Variants in ZNF268 observed in about 807,000 individuals in gnomAD.
The protein encoded by ZNF268 is zinc finger protein 268.
ZNF268 carries 20 observed loss-of-function variants against 29.3 expected under a neutral mutation model. The ratio of observed to expected loss-of-function variants is 0.68; its 90% CI spans 0.48 to 0.99. The LOEUF (loss-of-function observed/expected upper bound fraction) is 0.99, where lower values mean the gene tolerates loss of function less well. Ranked by LOEUF, ZNF268 falls within the 50% of genes least tolerant of loss-of-function variation. The pLI is 0.00. For synonymous variants in ZNF268, 429 were observed against 376.9 expected, an observed-to-expected ratio of 1.14 and a Z score of -1.60; for missense variants, 1,240 against 1,121.6, an observed-to-expected ratio of 1.11 and a Z score of -1.51.
rs2135534038 is a variant in ZNF268, at chr12:133,208,722, G to GT, written c.*4193dup. ...GAAATGAGTAACATCTAGCCAAGGT[G>GT]TGAAAACAAGGAATGTGAGGAATTA... On this transcript the variant is annotated 3_prime_UTR_variant, in exon 6 of 6. Transcript: ENST00000536435. The GT allele has an allele frequency of 6.6e-6, 1 of 152,292 alleles. No homozygotes were observed. Among genetic ancestry groups the GT allele is most frequent in the East Asian group, 1.9e-4 (1 of 5,180 alleles). The allele number at this position is 152,292 out of a possible 1,614,324, so 9.4% of individuals were successfully genotyped here.
At chr12:133,186,025 A>G (rs1415902568) in intron 2 of ZNF268, among the ~76,000 whole-genome samples, 2 of 152,156 alleles carry the variant, frequency 1.3e-5, no homozygotes, top group Non-Finnish European at 2.9e-5. Flanking sequence ...TCTGTGCTAA[A>G]TCATTTATTA....
intron 5 of ZNF268, 104 bp downstream of exon 5, chr12:133,192,107 CTT>C (rs200581552): frequency 0.23 from 118,378 of 523,440 alleles, 4,251 homozygotes; most frequent in Non-Finnish European, 0.25. Flanking sequence ...TTACCATGCA[CTT>C]TTTTTTTTTT....
rs1956838104 is a variant in ZNF268 at position 133,204,159 on chromosome 12, G to T, written c.2473G>T (p.Val825Leu). ...KAFIWKSLLI[V>L]HERTHAGVNP... ...CTTCATTTGGAAATCACTACTCATT[G>T]TACATGAGCGAACTCATGCAGGGGT... Residue 825 changes from valine to leucine, a missense_variant, in exon 6 of 6, where the codon GTA becomes TTA. By Grantham distance (32) the Val-to-Leu change is conservative (BLOSUM62 1). Transcript: ENST00000536435. 1 of 1,541,304 alleles carries T rather than the reference G, an allele frequency of 6.5e-7. No individual in the cohort carries two copies. Among genetic ancestry groups the T allele is most frequent in the East Asian group, 2.4e-5 (1 of 40,842 alleles).
rs1956989464 is a variant in ZNF268 at position 133,211,979 on chromosome 12, C to A, written c.*7449C>A. On this transcript the variant is annotated 3_prime_UTR_variant, in exon 6 of 6. Transcript: ENST00000536435. ...CAAATACTTTAAGGAATCAGGATAA[C>A]CTTCAATAGGTGAATGACTAACTAG... is the stretch of plus-strand genomic sequence containing the variant. The A allele has an allele frequency of 6.6e-6, 1 of 152,192 alleles. No individual in the cohort carries two copies. The highest frequency in any genetic ancestry group is 6.5e-5 in the Admixed American group (1 of 15,286). 9.4% of individuals were successfully genotyped at this position (152,192 alleles called of 1,614,324 possible).
rs1329175211 is a variant in ZNF268 at position 133,212,506 on chromosome 12, TAC to T, written c.*7986_*7987del. ...ATATATATATATATATATGTATATA[TAC>T]ACACACACATACACACATATATACA... On this transcript the variant is annotated 3_prime_UTR_variant, in exon 6 of 6. Transcript: ENST00000536435. 4 of 41,946 alleles carry T rather than the reference TAC, an allele frequency of 9.5e-5. No individual in the cohort carries two copies. The highest frequency in any genetic ancestry group is 3.2e-4 in the Admixed American group (1 of 3,166). 2.6% of individuals were successfully genotyped at this position (41,946 alleles called of 1,614,324 possible).
chr12:133,191,266 A>G (rs1227734799), intron 3 of ZNF268, among the ~76,000 whole-genome samples: 7 of 151,874 alleles, frequency 4.6e-5, no homozygotes, highest in African/African-American at 1.7e-4. Context: ...GCAGTGAGCC[A>G]AGATCACACC....
At chr12:133,198,573 A>G (rs559601995) in intron 5 of ZNF268, among the ~76,000 whole-genome samples, 1 of 152,258 alleles carries the variant, frequency 6.6e-6, no homozygotes, top group Non-Finnish European at 1.5e-5. Context: ...TCTATGAAGA[A>G]AGTCATTGGT....
At position 133,209,832 on chromosome 12, in the gene ZNF268, G is replaced by A. The variant is rs548433400; in HGVS notation, c.*5302G>A. On this transcript the variant is annotated 3_prime_UTR_variant, in exon 6 of 6. Coordinates refer to ENST00000536435, the MANE Select transcript of ZNF268 (RefSeq NM_003415.3). ...CTTCAAAAAAAATTAATAAAAGCAAGCACATAGGGTGCACATTTGCCCTTC... is the reference window on the plus strand; with the variant it reads ...CTTCAAAAAAAATTAATAAAAGCAAACACATAGGGTGCACATTTGCCCTTC... 1 of 152,300 alleles carries A rather than the reference G, an allele frequency of 6.6e-6. No individual in the cohort carries two copies. Among genetic ancestry groups the A allele is most frequent in the East Asian group, 1.9e-4 (1 of 5,180 alleles). 9.4% of individuals were successfully genotyped at this position (152,300 alleles called of 1,614,324 possible).
rs564270728 is a variant in ZNF268 at position 133,205,339 on chromosome 12, G to C, written c.*809G>C. The stretch of plus-strand genomic sequence containing the variant: ...TTATTTCATTGTACAAGTGAATCTA[G>C]TAAGGAGGTTAAGAATAAGAAATAA... On this transcript the variant is annotated 3_prime_UTR_variant, in exon 6 of 6. Coordinates refer to ENST00000536435, the MANE Select transcript of ZNF268 (RefSeq NM_003415.3). 1 of 151,928 alleles carries C rather than the reference G, an allele frequency of 6.6e-6. No individual in the cohort carries two copies. Among genetic ancestry groups the C allele is most frequent in the Non-Finnish European group, 1.5e-5 (1 of 67,984 alleles). The allele number at this position is 151,928 out of a possible 1,614,324, so 9.4% of individuals were successfully genotyped here.
rs369092199 is a variant in ZNF268, at chr12:133,202,493, G to C, written c.807G>C (p.Met269Ile). 1 of 1,612,248 alleles carries C rather than the reference G, an allele frequency of 6.2e-7. No homozygotes were observed. Residue 269 changes from methionine to isoleucine, a missense_variant, in exon 6 of 6, where the codon ATG becomes ATC. By Grantham distance (10) the Met-to-Ile change is conservative (BLOSUM62 1). Around this residue, in one of 3 missense-constraint regions of ZNF268, gnomAD observed 1,177 missense variants for 1,039.6 expected, o/e 1.13. Coordinates refer to ENST00000536435, the MANE Select transcript of ZNF268 (RefSeq NM_003415.3). ...NKKSQLMCQQMYMGEKPFGCS... is the reference protein window; with the variant it reads ...NKKSQLMCQQIYMGEKPFGCS... Reference sequence around the variant, plus strand: ...AATCGCAACTTATGTGCCAACAAATGTATATGGGCGAAAAACCCTTTGGAT... The same window carrying C: ...AATCGCAACTTATGTGCCAACAAATCTATATGGGCGAAAAACCCTTTGGAT...
At chr12:133,194,536 TCAGA>T (rs1956551377) in intron 5 of ZNF268, among the ~76,000 whole-genome samples, 1 of 152,128 alleles carries the variant, frequency 6.6e-6, no homozygotes, top group South Asian at 2.1e-4. Flanking sequence ...CACGAGTCTG[TCAGA>T]CAGGAAAACT....
Position 133,204,256 on chromosome 12 carries a change from T to G in ZNF268, c.2570T>G (p.Met857Arg). The G allele has an allele frequency of 6.5e-7, 1 of 1,547,086 alleles. No individual in the cohort carries two copies. Among genetic ancestry groups the G allele is most frequent in the Non-Finnish European group, 8.7e-7 (1 of 1,150,224 alleles). Reference sequence around the variant, plus strand: ...TTACGCCTTCTTGTACACCAGAGAATGCACACAAGAGAGAAACCATATGAA... The same window carrying G: ...TTACGCCTTCTTGTACACCAGAGAAGGCACACAAGAGAGAAACCATATGAA... ...GKLRLLVHQR[M>R]HTREKPYECS... is the part of the protein sequence containing the mutation. Residue 857 changes from methionine (M) to arginine (R), a missense_variant, in exon 6 of 6, where the codon ATG becomes AGG. Physicochemically the swap from Met to Arg is moderately conservative, Grantham distance 91. Coordinates refer to ENST00000536435, the MANE Select transcript of ZNF268 (RefSeq NM_003415.3).
At chr12:133,195,820 C>T (rs1190236092) in intron 5 of ZNF268, among the ~76,000 whole-genome samples, 1 of 151,608 alleles carries the variant, frequency 6.6e-6, no homozygotes, top group African/African-American at 2.4e-5. Context: ...CAGGTTCAAG[C>T]GATTCTCCTG....
In ZNF268 at chr12:133,186,671, C is replaced by T. The variant is rs117103194; in HGVS notation, c.34-1201C>T. Among the ~76,000 whole-genome samples, 127 of 152,092 alleles carry T rather than the reference C, an allele frequency of 8.4e-4. 2 individuals are homozygous for T. In the East Asian group the frequency reaches 0.024, roughly 29 times the overall value. ...GGGATTACAGGCATGAGCCACTGCGCCCAGCCTCCAGGGAATAATCTTAAT... is the reference window on the plus strand; with the variant it reads ...GGGATTACAGGCATGAGCCACTGCGTCCAGCCTCCAGGGAATAATCTTAAT... On this transcript the variant is annotated intron_variant, in intron 2 of 5. Transcript: ENST00000536435.
In ZNF268 at chr12:133,209,443, A is replaced by C; in HGVS notation, c.*4913A>C. ...ATAAATTCTGATTTTGGTATAAATG[A>C]TATATTTAAATTTAAATGAAGTTGC... On this transcript the variant is annotated 3_prime_UTR_variant, in exon 6 of 6. Transcript: ENST00000536435. The C allele has an allele frequency of 6.6e-6, 1 of 152,210 alleles. No individual in the cohort carries two copies. The highest frequency in any genetic ancestry group is 1.9e-4 in the East Asian group (1 of 5,202). 9.4% of individuals were successfully genotyped at this position (152,210 alleles called of 1,614,324 possible). A position where few individuals can be genotyped will look rare whatever the true frequency, so the allele number is the denominator to read the frequency against.
In ZNF268 at chr12:133,211,891, TAGG is replaced by T. The variant is rs1956988363; in HGVS notation, c.*7364_*7366del. On this transcript the variant is annotated 3_prime_UTR_variant, in exon 6 of 6. Transcript: ENST00000536435. ...TATTTAGATAACTGCTTTGAAAACA[TAGG>T]AGTTTGATCTAAACAAAACCCAGCA... The T allele has an allele frequency of 6.6e-6, 1 of 152,192 alleles. No individual in the cohort carries two copies. The highest frequency in any genetic ancestry group is 1.5e-5 in the Non-Finnish European group (1 of 68,036). The allele number at this position is 152,192 out of a possible 1,614,324, so 9.4% of individuals were successfully genotyped here.
Position 133,214,537 on chromosome 12 carries a change from G to C in ZNF268, c.*10007G>C, listed in dbSNP as rs1422832371. The C allele has an allele frequency of 6.6e-6, 1 of 152,216 alleles. No homozygotes were observed. The highest frequency in any genetic ancestry group is 2.4e-5 in the African/African-American group (1 of 41,454). The allele number at this position is 152,216 out of a possible 1,614,324, so 9.4% of individuals were successfully genotyped here. A position where few individuals can be genotyped will look rare whatever the true frequency, so the allele number is the denominator to read the frequency against. ...TAAAAATAAAAGCAATGTGCAGAAA[G>C]AGGCTGGCCACAAAAAGGTCACATA... On this transcript the variant is annotated 3_prime_UTR_variant, in exon 6 of 6. Transcript: ENST00000536435.
intron 5 of ZNF268, among the ~76,000 whole-genome samples, chr12:133,194,780 A>AG (rs1265048996): frequency 6.6e-6 from 1 of 152,254 alleles, no homozygotes; most frequent in African/African-American, 2.4e-5. Flanking sequence ...ACTGCCAGCC[A>AG]GGAACAGGGC....
At chr12:133,196,744 T>C (rs1956609135) in intron 5 of ZNF268, among the ~76,000 whole-genome samples, 1 of 151,640 alleles carries the variant, frequency 6.6e-6, no homozygotes, top group African/African-American at 2.4e-5. Context: ...TATCACTCCT[T>C]CTCAAACCAT....
Sources: allele counts gnomAD v4.1 joint callset (sites outside exome capture counted in the v4.1 genomes callset), GRCh38; gene constraint gnomAD v4.1.1; regional missense constraint gnomAD v4.1.1; transcripts MANE v1.5; gene names NCBI Gene and HGNC (gene_info 2026-07-23, HGNC 2026-07-21).